MACROD2: variants seen among roughly 807,000 people sequenced by gnomAD.
MACROD2 encodes the protein ADP-ribose glycohydrolase MACROD2.
A neutral mutation model predicts 70.4 loss-of-function variants in MACROD2; 36 were observed. That is an observed-to-expected ratio of 0.51 (90% CI 0.39 to 0.68). The LOEUF is 0.68. Among genes scored for constraint, MACROD2 ranks in the 30% least tolerant of loss-of-function variants. MACROD2 has a pLI of 0.00. For missense variants in MACROD2, 496 were observed against 538.4 expected (o/e 0.92, Z 0.78); for synonymous variants, 172 against 178.8 (o/e 0.96, Z 0.30).
At chr20:14,545,517 G>A (rs1233960946) in intron 4 of MACROD2, among the ~76,000 whole-genome samples, 2 of 152,126 alleles carry the variant, frequency 1.3e-5, no homozygotes, top group African/African-American at 2.4e-5. Context: ...GTTTAATTAT[G>A]AGATGTGGCT....
chr20:15,875,252 A>C (rs1251249769), intron 9 of MACROD2, among the ~76,000 whole-genome samples: 2 of 152,186 alleles, frequency 1.3e-5, no homozygotes, highest in Non-Finnish European at 2.9e-5. Flanking sequence ...CTAATACGCC[A>C]GTCATCTATG....
intron 5 of MACROD2, among the ~76,000 whole-genome samples, chr20:15,135,091 G>C (rs1224541621): frequency 6.6e-6 from 1 of 151,824 alleles, no homozygotes; most frequent in Non-Finnish European, 1.5e-5. Context: ...CAACCAAAAA[G>C]AGTCCAGGAC....
intron 8 of MACROD2, among the ~76,000 whole-genome samples, chr20:15,630,862 G>A (rs1363863244): frequency 6.6e-6 from 1 of 152,162 alleles, no homozygotes; most frequent in African/African-American, 2.4e-5. Flanking sequence ...TGAGTTGGAA[G>A]ATCCAAACTG....
intron 8 of MACROD2, among the ~76,000 whole-genome samples, chr20:15,772,518 T>A (rs1338433426): frequency 6.6e-6 from 1 of 152,206 alleles, no homozygotes; most frequent in African/African-American, 2.4e-5. Flanking sequence ...ACTGTTATGA[T>A]TTGATTCTAA....
At position 14,590,467 on chromosome 20, in the gene MACROD2, C is replaced by T. The variant is rs117236429; in HGVS notation, c.302-94376C>T. Among the ~76,000 whole-genome samples, 67 of 152,276 alleles carry T rather than the reference C, an allele frequency of 4.4e-4. No individual in the cohort carries two copies. In the East Asian group the frequency reaches 0.012, roughly 27 times the overall value. ...TGGCATGGCTTAGGTAGGACACATTCAAACTCCTAGCCTACCCCGTACACT... is the reference window on the plus strand; with the variant it reads ...TGGCATGGCTTAGGTAGGACACATTTAAACTCCTAGCCTACCCCGTACACT... On this transcript the variant is annotated intron_variant, in intron 4 of 17. Coordinates refer to ENST00000684519, the MANE Select transcript of MACROD2 (RefSeq NM_001351661.2).
intron 3 of MACROD2, among the ~76,000 whole-genome samples, chr20:14,371,842 A>G (rs1359755917): frequency 1.3e-5 from 2 of 151,534 alleles, no homozygotes; most frequent in Admixed American, 1.3e-4. Context: ...TTTTTGAAGA[A>G]TGGGAATGAA....
At chr20:15,241,999 T>C (rs1383246935) in intron 6 of MACROD2, among the ~76,000 whole-genome samples, 2 of 152,130 alleles carry the variant, frequency 1.3e-5, no homozygotes, top group Non-Finnish European at 2.9e-5. Flanking sequence ...GTATTAAATA[T>C]GAAAGAACAG....
intron 6 of MACROD2, among the ~76,000 whole-genome samples, chr20:15,272,837 A>G (rs1382289287): frequency 6.6e-5 from 10 of 152,206 alleles, no homozygotes; most frequent in Admixed American, 6.5e-4. Context: ...TTTATATGGA[A>G]TAGTCTACAG....
At chr20:15,171,502 A>T (rs2076422185) in intron 5 of MACROD2, among the ~76,000 whole-genome samples, 1 of 151,688 alleles carries the variant, frequency 6.6e-6, no homozygotes, top group African/African-American at 2.4e-5. Flanking sequence ...TTACATAGTA[A>T]CAAGATTCAA....
rs189911367 is a variant in MACROD2, at chr20:14,263,789, C to T, written c.271+178061C>T. Among the ~76,000 whole-genome samples, 307 of 151,646 alleles carry T rather than the reference C, an allele frequency of 2.0e-3. 1 individual carries two copies. The highest frequency in any genetic ancestry group is 7.1e-3 in the African/African-American group (293 of 41,246). ...CAGTCTGGGAAACATGGTGAAATCC[C>T]GACTCCACACACACACACACACAAC... On this transcript the variant is annotated intron_variant, in intron 3 of 17. Transcript: ENST00000684519.
chr20:14,567,742 A>G (rs1820038785), intron 4 of MACROD2, among the ~76,000 whole-genome samples: 1 of 152,060 alleles, frequency 6.6e-6, no homozygotes, highest in Non-Finnish European at 1.5e-5. Context: ...AACCACTTTT[A>G]TATTCAGATT....
chr20:15,418,099 T>C (rs1470303213), intron 6 of MACROD2, among the ~76,000 whole-genome samples: 7 of 152,180 alleles, frequency 4.6e-5, no homozygotes, highest in Non-Finnish European at 5.9e-5. Context: ...TCTTAACCAC[T>C]GTGTGACTCT....
In MACROD2 at chr20:14,015,916, A is replaced by G. The variant is rs2052983855; in HGVS notation, c.163+13512A>G. Among the ~76,000 whole-genome samples the G allele has an allele frequency of 2.0e-5, 3 of 152,226 alleles. No individual in the cohort carries two copies. The South Asian group carries it at 6.2e-4, about 32-fold the overall frequency. Reference sequence around the variant, plus strand: ...TTGTTTCCACCTTTATCAACTGTGAATAATGCTGCTATGAATATTGGTTTA... The same window carrying G: ...TTGTTTCCACCTTTATCAACTGTGAGTAATGCTGCTATGAATATTGGTTTA... On this transcript the variant is annotated intron_variant, in intron 2 of 17. Coordinates refer to ENST00000684519, the MANE Select transcript of MACROD2 (RefSeq NM_001351661.2).
intron 5 of MACROD2, among the ~76,000 whole-genome samples, chr20:14,786,216 G>GAGAGAC (rs200364573): frequency 0.042 from 6,335 of 151,472 alleles, 306 homozygotes; most frequent in East Asian, 0.11. Context: ...GAGAGAGAGA[G>GAGAGAC]AGAGAGAGAG....
intron 3 of MACROD2, among the ~76,000 whole-genome samples, chr20:14,275,717 T>A (rs190456773): frequency 6.6e-6 from 1 of 152,240 alleles, no homozygotes; most frequent in African/African-American, 2.4e-5. Flanking sequence ...GGAGAAAATT[T>A]TCACAACCTA....
chr20:14,900,370 TG>T (rs1318329507), intron 5 of MACROD2, among the ~76,000 whole-genome samples: 2 of 152,140 alleles, frequency 1.3e-5, no homozygotes, highest in Non-Finnish European at 2.9e-5. Flanking sequence ...ATTAGAAGAA[TG>T]TGAGGATTAG....
At chr20:14,408,344 C>T (rs2083713385) in intron 3 of MACROD2, among the ~76,000 whole-genome samples, 1 of 152,114 alleles carries the variant, frequency 6.6e-6, no homozygotes, top group Non-Finnish European at 1.5e-5. Context: ...GTTTGTTTCT[C>T]ACACCAACTT....
intron 8 of MACROD2, among the ~76,000 whole-genome samples, chr20:15,692,986 CTT>C (rs917665735): frequency 1.3e-5 from 2 of 152,088 alleles, no homozygotes; most frequent in Admixed American, 6.6e-5. Context: ...ACTTCCCACT[CTT>C]CTCTCTCTCT....
At chr20:15,151,510 GAATTT>G (rs2076269902) in intron 5 of MACROD2, among the ~76,000 whole-genome samples, 1 of 152,060 alleles carries the variant, frequency 6.6e-6, no homozygotes, top group Non-Finnish European at 1.5e-5. Flanking sequence ...TTGAGGGCCG[GAATTT>G]AATTTTTGGA....
Sources: allele counts gnomAD v4.1 joint callset (sites outside exome capture counted in the v4.1 genomes callset), GRCh38; gene constraint gnomAD v4.1.1; transcripts MANE v1.5; gene names NCBI Gene and HGNC (gene_info 2026-07-23, HGNC 2026-07-21).